Variants in TRIQK observed in about 807,000 individuals in gnomAD.
TRIQK encodes the protein triple QxxK/R motif containing, also known as triple QxxK/R motif-containing protein.
In TRIQK, 10 loss-of-function variants were observed where a neutral mutation model predicts 10.8. The observed-to-expected ratio is 0.92, with a 90% CI of 0.57 to 1.57. TRIQK has a LOEUF of 1.57. TRIQK is among the 40% of genes most tolerant of loss of function. TRIQK has a pLI of 0.00. For synonymous variants in TRIQK, 33 were observed against 33.7 expected, an observed-to-expected ratio of 0.98 and a Z score of 0.07; for missense variants, 107 against 97.7, an observed-to-expected ratio of 1.09 and a Z score of -0.40.
chr8:92,931,570 C>T (rs1810726276), intron 2 of TRIQK, among the ~76,000 whole-genome samples: 1 of 152,140 alleles, frequency 6.6e-6, no homozygotes, highest in South Asian at 2.1e-4. Context: ...TGGATCATAA[C>T]AGAACAAAAT....
intron 1 of TRIQK, among the ~76,000 whole-genome samples, chr8:93,013,177 A>G (rs1417234998): frequency 6.6e-6 from 1 of 152,228 alleles, no homozygotes; most frequent in Non-Finnish European, 1.5e-5. Flanking sequence ...GGCAATGCAC[A>G]GTCTCCTAAA....
intron 1 of TRIQK, among the ~76,000 whole-genome samples, chr8:93,002,328 A>G (rs1053091191): frequency 6.6e-6 from 1 of 152,174 alleles, no homozygotes. Context: ...GAAACAAAAA[A>G]TGAGTTTTTT....
intron 1 of TRIQK, among the ~76,000 whole-genome samples, chr8:92,979,530 T>C (rs1002469396): frequency 2.0e-5 from 3 of 152,096 alleles, no homozygotes; most frequent in Non-Finnish European, 4.4e-5. Context: ...TAGTGGTATA[T>C]GGATGGGTAT....
At chr8:92,891,839 A>C in intron 4 of TRIQK, 150 bp downstream of exon 4, 1 of 587,688 alleles carries the variant, frequency 1.7e-6, no homozygotes. Flanking sequence ...TCCATTAAGT[A>C]AATTCTTTAC....
intron 2 of TRIQK, among the ~76,000 whole-genome samples, chr8:92,940,387 T>G (rs2130604356): frequency 6.7e-6 from 1 of 149,620 alleles, no homozygotes; most frequent in South Asian, 2.1e-4. Flanking sequence ...AGAGAATCAC[T>G]TCACTGTCAG....
At chr8:92,958,461 T>C (rs967866090) in intron 1 of TRIQK, among the ~76,000 whole-genome samples, 8 of 152,012 alleles carry the variant, frequency 5.3e-5, no homozygotes, top group Non-Finnish European at 8.8e-5. Flanking sequence ...TTTTGGCATA[T>C]AATAGTATCC....
chr8:92,956,364 T>C (rs1215551095), intron 1 of TRIQK, among the ~76,000 whole-genome samples: 1 of 151,678 alleles, frequency 6.6e-6, no homozygotes, highest in Non-Finnish European at 1.5e-5. Flanking sequence ...AGAAAATAGA[T>C]TAGTGGTTGC....
intron 2 of TRIQK, among the ~76,000 whole-genome samples, chr8:92,938,363 CACCA>C (rs939654759): frequency 2.0e-5 from 3 of 152,008 alleles, no homozygotes; most frequent in Non-Finnish European, 2.9e-5. Context: ...ACACATCCAT[CACCA>C]ACCATTTTAA....
upstream of TRIQK, among the ~76,000 whole-genome samples, chr8:92,967,917 T>C (rs905011915): frequency 2.0e-5 from 3 of 151,286 alleles, no homozygotes; most frequent in African/African-American, 7.3e-5. Flanking sequence ...AAGATTTAAA[T>C]AAAAGTGGTG....
chr8:92,906,296 A>G (rs1439191614), intron 3 of TRIQK, among the ~76,000 whole-genome samples: 3 of 152,152 alleles, frequency 2.0e-5, no homozygotes, highest in Admixed American at 1.3e-4. Context: ...GTGTTGGCTG[A>G]GGTAATTTAT....
chr8:92,917,083 T>C lies in TRIQK; in HGVS notation c.-21-73A>G, dbSNP rs1809901209. ...TATAAAATCCAGAAATAGTTTATTC[T>C]ATAAAATTCATTTTTAAAGCAATGG... On this transcript the variant is annotated intron_variant, in intron 2 of 4. Transcript: ENST00000521988. The C allele has an allele frequency of 6.8e-6, 6 of 883,492 alleles. No homozygotes were observed. In the East Asian group the frequency reaches 1.9e-4, roughly 28 times the overall value. 54.7% of individuals were successfully genotyped at this position (883,492 alleles called of 1,614,324 possible).
chr8:92,995,196 A>G (rs1813141458), intron 1 of TRIQK, among the ~76,000 whole-genome samples: 1 of 151,992 alleles, frequency 6.6e-6, no homozygotes, highest in Non-Finnish European at 1.5e-5. Context: ...TTTGCTAGGT[A>G]TAGAATTTTC....
At chr8:92,936,283 A>C (rs1810984130) in intron 2 of TRIQK, among the ~76,000 whole-genome samples, 1 of 151,704 alleles carries the variant, frequency 6.6e-6, no homozygotes, top group Non-Finnish European at 1.5e-5. Flanking sequence ...TCCATGATGA[A>C]GCTGGGCTAA....
intron 3 of TRIQK, among the ~76,000 whole-genome samples, chr8:92,899,330 A>T (rs543560730): frequency 6.6e-6 from 1 of 151,910 alleles, no homozygotes; most frequent in South Asian, 2.1e-4. Flanking sequence ...CAAATACTAG[A>T]TCTTATTCAT....
At chr8:92,898,114 T>C (rs946411917) in intron 3 of TRIQK, among the ~76,000 whole-genome samples, 5 of 152,182 alleles carry the variant, frequency 3.3e-5, no homozygotes, top group Non-Finnish European at 2.9e-5. Flanking sequence ...TTCAGGCAAC[T>C]ACAATGTTAA....
At chr8:92,930,211 C>CA (rs1563641249) in intron 2 of TRIQK, among the ~76,000 whole-genome samples, 1 of 150,512 alleles carries the variant, frequency 6.6e-6, no homozygotes, top group Non-Finnish European at 1.5e-5. Context: ...AACACCCCCC[C>CA]ACCCACGTCT....
At chr8:92,933,636 T>A (rs902042829) in intron 2 of TRIQK, among the ~76,000 whole-genome samples, 6 of 152,080 alleles carry the variant, frequency 3.9e-5, no homozygotes, top group Non-Finnish European at 8.8e-5. Flanking sequence ...AGATAAGGCA[T>A]AAAGATTCTA....
intron 3 of TRIQK, among the ~76,000 whole-genome samples, chr8:92,900,865 T>A (rs916611872): frequency 2.0e-5 from 3 of 152,180 alleles, no homozygotes; most frequent in Non-Finnish European, 4.4e-5. Flanking sequence ...ATTTTTCCAA[T>A]CCATGAACAT....
chr8:93,000,075 T>A (rs1254342237), intron 1 of TRIQK, among the ~76,000 whole-genome samples: 4 of 152,192 alleles, frequency 2.6e-5, no homozygotes, highest in African/African-American at 9.7e-5. Flanking sequence ...AAACAATTTT[T>A]AAAAATATAT....
Sources: gnomAD v4.1 joint callset for allele counts (sites outside exome capture counted in the v4.1 genomes callset) on GRCh38, gnomAD v4.1.1 for gene constraint, MANE v1.5 for transcripts, NCBI Gene and HGNC (gene_info 2026-07-23, HGNC 2026-07-21) for gene names.